ADGRB3: variants seen among roughly 807,000 people sequenced by gnomAD.
ADGRB3 encodes the protein adhesion G protein-coupled receptor B3.
In ADGRB3, 37 loss-of-function variants were observed where a neutral mutation model predicts 193.4. That is an observed-to-expected ratio of 0.19 (90% CI 0.15 to 0.25). ADGRB3 has a LOEUF of 0.25. Ranked by LOEUF, ADGRB3 falls within the 10% of genes least tolerant of loss-of-function variation. The pLI is 1.00. For missense variants in ADGRB3, 1,637 were observed against 1,852.9 expected (o/e 0.88, Z 2.14); for synonymous variants, 690 against 644.2 (o/e 1.07, Z -1.08).
chr6:68,974,714 A>C (rs769803892), intron 8 of ADGRB3, 49 bp from the exon 9 acceptor site: 26 of 1,550,650 alleles, frequency 1.7e-5, no homozygotes, highest in South Asian at 1.5e-4. Context: ...TTATTGCCAA[A>C]ATTTTTTAAA....
At chr6:69,044,279 C>T (rs930676670) in intron 13 of ADGRB3, among the ~76,000 whole-genome samples, 7 of 152,168 alleles carry the variant, frequency 4.6e-5, no homozygotes, top group Non-Finnish European at 8.8e-5. Context: ...CTTTTTCTTT[C>T]ACATGCCTTC....
At chr6:69,024,868 G>A (rs941842760) in intron 13 of ADGRB3, among the ~76,000 whole-genome samples, 11 of 152,128 alleles carry the variant, frequency 7.2e-5, no homozygotes, top group African/African-American at 1.4e-4. Flanking sequence ...CGAGGCAGGC[G>A]GATCATGAGG....
At chr6:68,766,933 T>A (rs758228463) in intron 3 of ADGRB3, among the ~76,000 whole-genome samples, 20 of 152,220 alleles carry the variant, frequency 1.3e-4, no homozygotes, top group Non-Finnish European at 2.1e-4. Context: ...TTTTCATCCA[T>A]GGTTCTCAAA....
chr6:68,826,358 G>A (rs80211247), intron 3 of ADGRB3, among the ~76,000 whole-genome samples: 3 of 152,168 alleles, frequency 2.0e-5, no homozygotes. Context: ...GTGAAGTTGT[G>A]TGGAAGCTGG....
At chr6:68,967,538 A>G (rs1202662482) in intron 8 of ADGRB3, among the ~76,000 whole-genome samples, 1 of 152,134 alleles carries the variant, frequency 6.6e-6, no homozygotes, top group Non-Finnish European at 1.5e-5. Context: ...TAACTGTAGT[A>G]GCTAACCTCC....
intron 17 of ADGRB3, among the ~76,000 whole-genome samples, chr6:69,224,884 G>A (rs1487949124): frequency 1.3e-5 from 2 of 152,020 alleles, no homozygotes; most frequent in Non-Finnish European, 2.9e-5. Context: ...ATCTCATTGA[G>A]AGCAATAATG....
At chr6:69,154,672 A>C (rs968348870) in intron 17 of ADGRB3, among the ~76,000 whole-genome samples, 2 of 152,214 alleles carry the variant, frequency 1.3e-5, no homozygotes, top group South Asian at 4.1e-4. Flanking sequence ...TGTTAGTGTC[A>C]GTCCCTCTGC....
chr6:69,369,016 A>G (rs148657598), intron 29 of ADGRB3, among the ~76,000 whole-genome samples: 1 of 152,266 alleles, frequency 6.6e-6, no homozygotes, highest in Non-Finnish European at 1.5e-5. Context: ...AAATTGGAAT[A>G]TATGTACAGA....
chr6:68,996,943 AC>A, intron 11 of ADGRB3, among the ~76,000 whole-genome samples: 1 of 152,190 alleles, frequency 6.6e-6, no homozygotes, highest in East Asian at 1.9e-4. Flanking sequence ...GTATCCATGA[AC>A]TTTTTTCATC....
chr6:68,922,040 A>T (rs902204263), intron 3 of ADGRB3, among the ~76,000 whole-genome samples: 1 of 152,198 alleles, frequency 6.6e-6, no homozygotes, highest in Admixed American at 6.5e-5. Flanking sequence ...TTATAAGAGA[A>T]ATGTATATAT....
intron 17 of ADGRB3, among the ~76,000 whole-genome samples, chr6:69,096,999 A>G (rs1772899029): frequency 6.6e-6 from 1 of 152,238 alleles, no homozygotes; most frequent in East Asian, 1.9e-4. Context: ...CCTGCTTTAT[A>G]TAAATAGTAG....
intron 26 of ADGRB3, among the ~76,000 whole-genome samples, chr6:69,353,249 T>C (rs888715425): frequency 1.3e-5 from 2 of 152,246 alleles, no homozygotes; most frequent in African/African-American, 4.8e-5. Context: ...CTTAGAACTT[T>C]CGTGAGATGT....
At chr6:69,065,755 GTATATA>G (rs58674430) in intron 16 of ADGRB3, among the ~76,000 whole-genome samples, 55 of 138,914 alleles carry the variant, frequency 4.0e-4, no homozygotes, top group Middle Eastern at 7.3e-3. Context: ...TGAACTTCAT[GTATATA>G]TATACACACA....
chr6:68,925,734 G>C (rs979014676), intron 3 of ADGRB3, among the ~76,000 whole-genome samples: 1 of 151,926 alleles, frequency 6.6e-6, no homozygotes, highest in Non-Finnish European at 1.5e-5. Context: ...CTCAAATGTA[G>C]CTCAATAATA....
intron 3 of ADGRB3, among the ~76,000 whole-genome samples, chr6:68,792,116 C>T (rs1361304736): frequency 1.3e-5 from 2 of 152,322 alleles, no homozygotes; most frequent in East Asian, 3.9e-4. Context: ...AGTTAAAATA[C>T]AGTGCTCCTA....
intron 10 of ADGRB3, among the ~76,000 whole-genome samples, chr6:68,984,316 T>C (rs1192370412): frequency 6.6e-6 from 1 of 152,030 alleles, no homozygotes; most frequent in Non-Finnish European, 1.5e-5. Flanking sequence ...ATTTGGCTGG[T>C]TATAATGTCA....
chr6:69,195,586 T>C (rs1765277834), intron 17 of ADGRB3, among the ~76,000 whole-genome samples: 1 of 149,030 alleles, frequency 6.7e-6, no homozygotes, highest in Non-Finnish European at 1.5e-5. Flanking sequence ...GCAATTGAAA[T>C]CCCTGATTTT....
intron 3 of ADGRB3, among the ~76,000 whole-genome samples, chr6:68,881,581 CA>C (rs1178929143): frequency 6.6e-6 from 1 of 152,040 alleles, no homozygotes; most frequent in African/African-American, 2.4e-5. Flanking sequence ...TAAGTCATGA[CA>C]AAAATCCTAA....
At chr6:69,029,310 A>T (rs1770543148) in intron 13 of ADGRB3, among the ~76,000 whole-genome samples, 1 of 152,196 alleles carries the variant, frequency 6.6e-6, no homozygotes, top group African/African-American at 2.4e-5. Flanking sequence ...TAATTACACA[A>T]GTTATGCTTT....
Sources: allele counts gnomAD v4.1 joint callset (sites outside exome capture counted in the v4.1 genomes callset), GRCh38; gene constraint gnomAD v4.1.1; transcripts MANE v1.5; gene names NCBI Gene and HGNC (gene_info 2026-07-23, HGNC 2026-07-21).